Variants in KLHL36 observed in about 807,000 individuals in gnomAD.
KLHL36 encodes kelch like family member 36, also known as kelch-like protein 36.
A neutral mutation model predicts 53.3 loss-of-function variants in KLHL36; 35 were observed. The observed-to-expected ratio is 0.66, with a 90% CI of 0.50 to 0.87. KLHL36 has a LOEUF of 0.87. Among genes scored for constraint, KLHL36 ranks in the 40% least tolerant of loss-of-function variants. KLHL36 has a pLI of 0.00. For missense variants in KLHL36, 864 were observed against 897.6 expected (o/e 0.96, Z 0.48); for synonymous variants, 472 against 398.9 (o/e 1.18, Z -2.18).
intron 4 of KLHL36, among the ~76,000 whole-genome samples, chr16:84,660,225 A>T (rs1488393628): frequency 2.6e-5 from 4 of 152,190 alleles, no homozygotes; most frequent in Non-Finnish European, 5.9e-5. Flanking sequence ...GAGCTTGGGC[A>T]GGAGGAGTTC....
At position 84,661,899 on chromosome 16, in the gene KLHL36, G is replaced by A. The variant is rs763121655; in HGVS notation, c.1617G>A (p.Ser539=). 28 of 1,599,192 alleles carry A rather than the reference G, an allele frequency of 1.8e-5. No homozygotes were observed. The highest frequency in any genetic ancestry group is 6.8e-5 in the Admixed American group (4 of 59,090). The change falls in exon 5 of 5, where the codon TCG becomes TCA. Residue 539 remains serine, a synonymous_variant. Coordinates refer to ENST00000564996, the MANE Select transcript of KLHL36 (RefSeq NM_024731.4). The surrounding 1 kb of genome is among the most constrained non-coding windows in gnomAD (Gnocchi z 7.9). ...CGCTGCTGCACGCCAACAGCGAGTC[G>A]GGCGTGGCAGTGTGGGAGGGCCGCA... ...VAPLLHANSE[S]GVAVWEGRIY... is the part of the protein sequence containing the mutation.
intron 1 of KLHL36, among the ~76,000 whole-genome samples, chr16:84,649,865 CTT>C (rs1319248622): frequency 6.6e-6 from 1 of 152,216 alleles, no homozygotes; most frequent in Non-Finnish European, 1.5e-5. Context: ...AAAAAATCCT[CTT>C]TAAAACCTTC....
At chr16:84,660,669 T>C (rs8054417) in intron 4 of KLHL36, among the ~76,000 whole-genome samples, 67,458 of 152,008 alleles carry the variant, frequency 0.44, 16,144 homozygotes, top group South Asian at 0.6. Context: ...TCACCCAGGC[T>C]GGAGTGCAGT....
chr16:84,649,374 G>C (rs1398435546), intron 1 of KLHL36: 1 of 152,464 alleles, frequency 6.6e-6, no homozygotes, highest in Non-Finnish European at 1.5e-5. Context: ...TTGATTCTGG[G>C]CAGGCTGCCT....
At chr16:84,654,095 C>T (rs901273638) in intron 2 of KLHL36, among the ~76,000 whole-genome samples, 1 of 152,150 alleles carries the variant, frequency 6.6e-6, no homozygotes, top group African/African-American at 2.4e-5. Context: ...GGGCTCTTTC[C>T]CTTTTGACAC....
rs772491480 is a variant in KLHL36 at position 84,657,989 on chromosome 16, C to G, written c.1137+45C>G. ...ATTTCTTTTCTCTTGAGGACTCTCT[C>G]GGTTTCCTTAACCTAGCCTTGACTT... On this transcript the variant is annotated intron_variant, in intron 3 of 4. Transcript: ENST00000564996. 1.9e-5 allele frequency: 27 copies of G among 1,389,914 alleles called. No individual in the cohort carries two copies. In the South Asian group the frequency reaches 4.1e-4, roughly 21 times the overall value. 86.1% of individuals were successfully genotyped at this position (1,389,914 alleles called of 1,614,324 possible).
At chr16:84,653,482 C>T (rs1245495176) in intron 2 of KLHL36, among the ~76,000 whole-genome samples, 2 of 152,160 alleles carry the variant, frequency 1.3e-5, no homozygotes, top group Non-Finnish European at 2.9e-5. Flanking sequence ...GGGAAATAGG[C>T]CAGGCGCAGT....
rs1907843769 is a variant in KLHL36 at position 84,666,529 on chromosome 16, G to C, written c.*4396G>C. 1 of 152,170 alleles carries C rather than the reference G, an allele frequency of 6.6e-6. No individual in the cohort carries two copies. Among genetic ancestry groups the C allele is most frequent in the African/African-American group, 2.4e-5 (1 of 41,424 alleles). The allele number at this position is 152,170 out of a possible 1,614,324, so 9.4% of individuals were successfully genotyped here. ...TGTGCACAGAGTTGGAGACACCTGA[G>C]GGCTGGTCCACGTCTCACCTTTGCC... On this transcript the variant is annotated 3_prime_UTR_variant, in exon 5 of 5. Transcript: ENST00000564996.
rs770274200 is a variant in KLHL36, at chr16:84,657,852, A to G, written c.1045A>G (p.Ile349Val). 26 of 1,593,954 alleles carry G rather than the reference A, an allele frequency of 1.6e-5. No individual in the cohort carries two copies. Among genetic ancestry groups the G allele is most frequent in the Non-Finnish European group, 2.2e-5 (26 of 1,167,576 alleles). ...CVAVLGGFIF[I>V]AGGSFSRDNG... Reference sequence around the variant, plus strand: ...CGCGGTGCTGGGGGGCTTCATCTTCATCGCCGGCGGCAGCTTCTCACGGGA... The same window carrying G: ...CGCGGTGCTGGGGGGCTTCATCTTCGTCGCCGGCGGCAGCTTCTCACGGGA... Residue 349 changes from isoleucine (I) to valine (V), a missense_variant, in exon 3 of 5, where the codon ATC becomes GTC. By Grantham distance (29) the Ile-to-Val change is conservative (BLOSUM62 3). Coordinates refer to ENST00000564996, the MANE Select transcript of KLHL36 (RefSeq NM_024731.4).
chr16:84,655,724 C>T (rs925507512), intron 2 of KLHL36, among the ~76,000 whole-genome samples: 5 of 137,686 alleles, frequency 3.6e-5, no homozygotes, highest in African/African-American at 1.0e-4. Context: ...AAAAAAAAGT[C>T]GAACCACATA....
At position 84,661,844 on chromosome 16, in the gene KLHL36, C is replaced by T. The variant is rs769945975; in HGVS notation, c.1562C>T (p.Pro521Leu). 5 of 1,604,540 alleles carry T rather than the reference C, an allele frequency of 3.1e-6. No individual in the cohort carries two copies. Among genetic ancestry groups the T allele is most frequent in the South Asian group, 2.2e-5 (2 of 90,802 alleles). ...FDVLGVEAYS[P>L]QCNQWTRVAP... ...GTGCTGGGCGTGGAGGCCTACAGCC[C>T]GCAGTGCAACCAGTGGACCCGCGTG... The change falls in exon 5 of 5, where the codon CCG becomes CTG. Residue 521 changes from proline to leucine, a missense_variant. Pro to Leu is a moderately conservative substitution (Grantham distance 98). Coordinates refer to ENST00000564996, the MANE Select transcript of KLHL36 (RefSeq NM_024731.4). The surrounding 1 kb of genome is among the most constrained non-coding windows in gnomAD (Gnocchi z 7.9).
chr16:84,661,062 A>G lies in KLHL36; in HGVS notation c.1296-516A>G, dbSNP rs889903599. Among the ~76,000 whole-genome samples, 3 of 152,158 alleles carry G rather than the reference A, an allele frequency of 2.0e-5. No homozygotes were observed. The highest frequency in any genetic ancestry group is 4.4e-5 in the Non-Finnish European group (3 of 68,020). Reference sequence around the variant, plus strand: ...TCACGCAGAATCATTTCACTGCCCTAAAGCCCACTGTGTGCGTGCTGTCCA... The same window carrying G: ...TCACGCAGAATCATTTCACTGCCCTGAAGCCCACTGTGTGCGTGCTGTCCA... On this transcript the variant is annotated intron_variant, in intron 4 of 4. Transcript: ENST00000564996. This position sits in a 1 kb window ranked among gnomAD's most constrained non-coding sequence, Gnocchi z 7.9.
At chr16:84,655,336 C>T (rs958855787) in intron 2 of KLHL36, among the ~76,000 whole-genome samples, 4 of 152,180 alleles carry the variant, frequency 2.6e-5, no homozygotes, top group Admixed American at 2.6e-4. Context: ...AAAAATAAAA[C>T]CCACTGCTGT....
chr16:84,649,848 C>A (rs1293874575), intron 1 of KLHL36, among the ~76,000 whole-genome samples: 2 of 151,180 alleles, frequency 1.3e-5, no homozygotes, highest in Non-Finnish European at 1.5e-5. Flanking sequence ...ACTCAAATAG[C>A]GGGGGAAAAA....
intron 2 of KLHL36, 30 bp from the exon 3 acceptor site, chr16:84,656,841 C>T (rs371722853): frequency 4.5e-6 from 7 of 1,550,768 alleles, no homozygotes; most frequent in African/African-American, 1.4e-5. Flanking sequence ...CAGGCTGCTG[C>T]GCCGTTTCTA....
At position 84,665,344 on chromosome 16, in the gene KLHL36, T is replaced by C. The variant is rs1907779694; in HGVS notation, c.*3211T>C. 1 of 152,114 alleles carries C rather than the reference T, an allele frequency of 6.6e-6. No homozygotes were observed. Among genetic ancestry groups the C allele is most frequent in the Non-Finnish European group, 1.5e-5 (1 of 68,020 alleles). 9.4% of individuals were successfully genotyped at this position (152,114 alleles called of 1,614,324 possible). A position where few individuals can be genotyped will look rare whatever the true frequency, so the allele number is the denominator to read the frequency against. On this transcript the variant is annotated 3_prime_UTR_variant, in exon 5 of 5. Transcript: ENST00000564996. ...AAAGAATTAGAGTTGTAACTTCATATTAGTTGTAAGTTTGGGGTTTGGTCC... is the reference window on the plus strand; with the variant it reads ...AAAGAATTAGAGTTGTAACTTCATACTAGTTGTAAGTTTGGGGTTTGGTCC...
chr16:84,657,644 C>T lies in KLHL36; in HGVS notation c.837C>T (p.Ala279=). The change falls in exon 3 of 5, where the codon GCC becomes GCT. Residue 279 remains alanine (A), a synonymous_variant. Coordinates refer to ENST00000564996, the MANE Select transcript of KLHL36 (RefSeq NM_024731.4). ...TGCGCTACCACAACAACCTGGCGGC[C>T]CAGCCCGTCATGCAGACCAAGCGCA... ...EAVRYHNNLA[A]QPVMQTKRTA... The T allele has an allele frequency of 6.2e-7, 1 of 1,612,072 alleles. No homozygotes were observed. Among genetic ancestry groups the T allele is most frequent in the Non-Finnish European group, 8.5e-7 (1 of 1,179,586 alleles).
intron 3 of KLHL36, chr16:84,659,128 A>C (rs1907395451): frequency 6.6e-6 from 1 of 152,118 alleles, no homozygotes; most frequent in African/African-American, 2.4e-5. Context: ...CAACCTACTG[A>C]GTAGCTGGAA....
In KLHL36 at chr16:84,659,768, C is replaced by T; in HGVS notation, c.1146C>T (p.Ser382=). Residue 382 remains serine (S), a synonymous_variant, in exon 4 of 5, where the codon TCC becomes TCT. Transcript: ENST00000564996. ...PRCKQWIKVA[S]MNQRRVDFYL... is the part of the protein sequence containing the mutation. ...GTATCTCAACTCCACAGGTGGCCTC[C>T]ATGAACCAGCGCCGTGTGGATTTCT... 1 of 1,614,144 alleles carries T rather than the reference C, an allele frequency of 6.2e-7. No individual in the cohort carries two copies. The highest frequency in any genetic ancestry group is 8.5e-7 in the Non-Finnish European group (1 of 1,179,992).
Sources: gnomAD v4.1 joint callset for allele counts (sites outside exome capture counted in the v4.1 genomes callset) on GRCh38, gnomAD v4.1.1 for gene constraint, Gnocchi (gnomAD v3.1) non-coding constraint, MANE v1.5 for transcripts, NCBI Gene and HGNC (gene_info 2026-07-23, HGNC 2026-07-21) for gene names.